The following RPH3A variants were observed in gnomAD, a reference collection of about 807,000 sequenced individuals.
The protein encoded by RPH3A is rabphilin-3A.
A neutral mutation model predicts 102.2 loss-of-function variants in RPH3A; 48 were observed. The ratio of observed to expected loss-of-function variants is 0.47; its 90% CI spans 0.37 to 0.60. RPH3A has a LOEUF of 0.60. Ranked by LOEUF, RPH3A falls within the 20% of genes least tolerant of loss-of-function variation. RPH3A has a pLI of 0.00. For missense variants in RPH3A, 781 were observed against 910.1 expected (o/e 0.86, Z 1.83); for synonymous variants, 310 against 324.3 (o/e 0.96, Z 0.47).
At chr12:112,849,408 A>AGT (rs35635799) in intron 5 of RPH3A, among the ~76,000 whole-genome samples, 39,162 of 146,532 alleles carry the variant, frequency 0.27, 5,361 homozygotes, top group Non-Finnish European at 0.32. Context: ...CCAGACTGGC[A>AGT]GTGTGTGTGT....
intron 1 of RPH3A, among the ~76,000 whole-genome samples, chr12:112,748,247 G>A (rs772595431): frequency 1.3e-5 from 2 of 152,178 alleles, no homozygotes; most frequent in Non-Finnish European, 2.9e-5. Context: ...TTATAGATCC[G>A]TAGTTCCCAG....
intron 5 of RPH3A, among the ~76,000 whole-genome samples, chr12:112,862,017 A>AAAAAAAAAAAAAAAAAAAG: frequency 6.7e-6 from 1 of 149,778 alleles, no homozygotes; most frequent in Non-Finnish European, 1.5e-5. Context: ...CGTCTCAAAA[A>AAAAAAAAAAAAAAAAAAAG]AAAAAAAAAA....
At chr12:112,850,099 C>A (rs977059743) in intron 5 of RPH3A, among the ~76,000 whole-genome samples, 8 of 152,172 alleles carry the variant, frequency 5.3e-5, no homozygotes, top group African/African-American at 1.9e-4. Context: ...GCTGGGGTTG[C>A]ACAGTCAGGG....
intron 1 of RPH3A, among the ~76,000 whole-genome samples, chr12:112,663,686 C>T (rs116221266): frequency 2.8e-4 from 43 of 152,144 alleles, no homozygotes; most frequent in African/African-American, 1.0e-3. Context: ...CATTTATTTG[C>T]TAAAATGGGT....
chr12:112,843,574 G>A (rs569740411), intron 4 of RPH3A, among the ~76,000 whole-genome samples: 85 of 152,278 alleles, frequency 5.6e-4, no homozygotes, highest in African/African-American at 2.0e-3. Context: ...CAGTAACACC[G>A]GCAATGGTGT....
chr12:112,704,086 C>T (rs1441170040), intron 1 of RPH3A, among the ~76,000 whole-genome samples: 1 of 151,432 alleles, frequency 6.6e-6, no homozygotes, highest in Non-Finnish European at 1.5e-5. Context: ...TTCTCTTCTT[C>T]TTCTTCTTTT....
intron 1 of RPH3A, among the ~76,000 whole-genome samples, chr12:112,685,011 T>A (rs1436475026): frequency 6.6e-6 from 1 of 152,214 alleles, no homozygotes; most frequent in Admixed American, 6.5e-5. Flanking sequence ...AGTGGCATGA[T>A]CATGGCCCAG....
rs551800764 is a variant in RPH3A, at chr12:112,691,531, C to G, written c.-139-100612C>G. 2.8e-4 allele frequency among the ~76,000 whole-genome samples: 43 copies of G among 152,360 alleles called. No homozygotes were observed. The South Asian group carries it at 4.6e-3, about 16-fold the overall frequency. On this transcript the variant is annotated intron_variant, in intron 1 of 21. Transcript: ENST00000543106. ...AAGTACAGTACCCTTTTGGTGAACA[C>G]TGCATCCCTTAGTGCCATTAATTTT...
At chr12:112,650,668 A>C (rs183841781) in intron 1 of RPH3A, 1 of 152,236 alleles carries the variant, frequency 6.6e-6, no homozygotes, top group African/African-American at 2.4e-5. Context: ...AGTTTCTAGA[A>C]TAGTGTCTGA....
intron 1 of RPH3A, among the ~76,000 whole-genome samples, chr12:112,604,737 G>A (rs1360906686): frequency 6.6e-6 from 1 of 152,166 alleles, no homozygotes; most frequent in Non-Finnish European, 1.5e-5. Context: ...TGTAGCAGGG[G>A]CTGCCACCCT....
In RPH3A at chr12:112,593,225, G is replaced by A. The variant is rs951157564; in HGVS notation, c.-140+17906G>A. On this transcript the variant is annotated intron_variant, in intron 1 of 21. Transcript: ENST00000543106. ...TAAACCAGAAAGGGGATGCTCACCG[G>A]AACCCAATCTGCTGGTACCTTGATT... is the stretch of plus-strand genomic sequence containing the variant. Among the ~76,000 whole-genome samples, 16 of 152,192 alleles carry A rather than the reference G, an allele frequency of 1.1e-4. No individual in the cohort carries two copies. The South Asian group carries it at 1.4e-3, about 14-fold the overall frequency.
chr12:112,822,995 A>G (rs1027906379), intron 2 of RPH3A, among the ~76,000 whole-genome samples: 2 of 152,242 alleles, frequency 1.3e-5, no homozygotes, highest in Non-Finnish European at 2.9e-5. Flanking sequence ...TTTCAGGAGA[A>G]GAAGTCATTT....
intron 13 of RPH3A, among the ~76,000 whole-genome samples, chr12:112,878,266 C>T (rs1299678629): frequency 2.0e-5 from 3 of 152,164 alleles, no homozygotes; most frequent in African/African-American, 4.8e-5. Flanking sequence ...GCTACTGCTC[C>T]TTCCATCGGC....
In RPH3A at chr12:112,804,051, T is replaced by G. The variant is rs1011185654; in HGVS notation, c.-19+11788T>G. 1.3e-5 allele frequency among the ~76,000 whole-genome samples: 2 copies of G among 152,242 alleles called. 1 individual carries two copies. The highest frequency in any genetic ancestry group is 1.3e-4 in the Admixed American group (2 of 15,288). ...AGGACTTGAATTTTTTTAAAAAAAT[T>G]ACTTTTAGATTCAGTTTTGTTTCGC... is the stretch of plus-strand genomic sequence containing the variant. On this transcript the variant is annotated intron_variant, in intron 2 of 21. Coordinates refer to ENST00000389385, the MANE Select transcript of RPH3A (RefSeq NM_001143854.2).
intron 1 of RPH3A, among the ~76,000 whole-genome samples, chr12:112,765,181 G>T (rs567648783): frequency 7.2e-5 from 11 of 151,898 alleles, no homozygotes; most frequent in Admixed American, 4.6e-4. Flanking sequence ...CATATATGTG[G>T]GGAGTCAAGA....
chr12:112,668,047 ACCC>A (rs2040100204), intron 1 of RPH3A, among the ~76,000 whole-genome samples: 2 of 152,238 alleles, frequency 1.3e-5, no homozygotes, highest in African/African-American at 2.4e-5. Flanking sequence ...AGACAAGATC[ACCC>A]CCATGTTATA....
intron 1 of RPH3A, among the ~76,000 whole-genome samples, chr12:112,645,183 C>T (rs1025382553): frequency 6.6e-6 from 1 of 152,104 alleles, no homozygotes; most frequent in Non-Finnish European, 1.5e-5. Flanking sequence ...GTTACTAGAC[C>T]AAACCACAAG....
chr12:112,861,682 G>A (rs987359774), intron 5 of RPH3A, among the ~76,000 whole-genome samples: 3 of 152,168 alleles, frequency 2.0e-5, no homozygotes, highest in African/African-American at 7.2e-5. Flanking sequence ...GGAAACAAAA[G>A]TAATCCTTAG....
intron 1 of RPH3A, among the ~76,000 whole-genome samples, chr12:112,613,635 A>T (rs2039655744): frequency 6.6e-6 from 1 of 152,274 alleles, no homozygotes. Flanking sequence ...CCCTGTCTTT[A>T]CTAAAAACAA....
Sources: allele counts gnomAD v4.1 joint callset (sites outside exome capture counted in the v4.1 genomes callset), GRCh38; gene constraint gnomAD v4.1.1; transcripts MANE v1.5; gene names NCBI Gene and HGNC (gene_info 2026-07-23, HGNC 2026-07-21).